The following ROBO2 variants were observed in gnomAD, a reference collection of about 807,000 sequenced individuals.
ROBO2 encodes roundabout homolog 2.
Under a neutral mutation model 160.8 loss-of-function variants are expected in ROBO2, and 53 were observed. The observed-to-expected ratio is 0.33, with a 90% confidence interval of 0.26 to 0.41. The LOEUF is 0.41. ROBO2 is among the 10% of genes least tolerant of loss of function. ROBO2 has a pLI of 1.00. For missense variants in ROBO2, 1,577 were observed against 1,722.4 expected, an observed-to-expected ratio of 0.92 and a Z score of 1.49; for synonymous variants, 664 against 611.7, an observed-to-expected ratio of 1.09 and a Z score of -1.26.
intron 19 of ROBO2, among the ~76,000 whole-genome samples, chr3:77,598,487 G>A (rs1262317570): frequency 1.5e-4 from 20 of 136,942 alleles, no homozygotes; most frequent in African/African-American, 3.5e-4. Context: ...TATATAGTGT[G>A]TATATATATA....
At chr3:77,304,196 G>T (rs1436533216) in intron 2 of ROBO2, among the ~76,000 whole-genome samples, 1 of 152,166 alleles carries the variant, frequency 6.6e-6, no homozygotes, top group East Asian at 1.9e-4. Flanking sequence ...TTAGCAATTG[G>T]AGCAGAGTAA....
At chr3:75,951,371 C>T (rs964687192) in intron 2 of ROBO2, among the ~76,000 whole-genome samples, 1 of 152,022 alleles carries the variant, frequency 6.6e-6, no homozygotes, top group East Asian at 1.9e-4. Context: ...GTCTCTGTCT[C>T]TCCTTCATCT....
chr3:76,408,855 G>C (rs942411124), intron 2 of ROBO2, among the ~76,000 whole-genome samples: 29 of 151,932 alleles, frequency 1.9e-4, no homozygotes, highest in African/African-American at 6.8e-4. Flanking sequence ...GTAAAATTTT[G>C]CTAATTTGCT....
At chr3:76,657,747 T>C (rs1269895874) in intron 2 of ROBO2, among the ~76,000 whole-genome samples, 1 of 140,312 alleles carries the variant, frequency 7.1e-6, no homozygotes, top group Non-Finnish European at 1.5e-5. Flanking sequence ...TATATATTCA[T>C]ATATATGTAT....
rs138555481 is a variant in ROBO2 at position 76,294,551 on chromosome 3, C to T, written c.109+356949C>T. The stretch of plus-strand genomic sequence containing the variant: ...CATTCCCTTTGATGCCTTTCTGTGA[C>T]GTTTGTGCTTTTCTTTTGTATCCTA... On this transcript the variant is annotated intron_variant, in intron 2 of 26. Coordinates refer to the ROBO2 transcript ENST00000487694. 1.9e-4 allele frequency among the ~76,000 whole-genome samples: 29 copies of T among 152,242 alleles called. No individual in the cohort carries two copies. The East Asian group carries it at 4.8e-3, about 25-fold the overall frequency.
In ROBO2 at chr3:76,314,756, CAT is replaced by C. The variant is rs553760402; in HGVS notation, c.109+377155_109+377156del. 1.7e-3 allele frequency among the ~76,000 whole-genome samples: 251 copies of C among 152,102 alleles called. 2 individuals are homozygous for C. The highest frequency in any genetic ancestry group is 5.6e-3 in the African/African-American group (231 of 41,482). On this transcript the variant is annotated intron_variant, in intron 2 of 26. Transcript: ENST00000487694. ...TATATAATACATATAACATATAAAA[CAT>C]GTGTTAATCAACAGTTTATGTTACT...
chr3:76,329,353 G>A (rs1410861286), intron 2 of ROBO2, among the ~76,000 whole-genome samples: 12 of 152,178 alleles, frequency 7.9e-5, no homozygotes, highest in Non-Finnish European at 1.3e-4. Context: ...GAGTAGCTGG[G>A]ATTGCAGGTG....
At chr3:77,446,363 T>G (rs562176560) in intron 2 of ROBO2, among the ~76,000 whole-genome samples, 1 of 152,196 alleles carries the variant, frequency 6.6e-6, no homozygotes, top group South Asian at 2.1e-4. Flanking sequence ...TTTCATAATT[T>G]GAAACCAATA....
chr3:75,908,090 T>A (rs145627387), intron 1 of ROBO2, among the ~76,000 whole-genome samples: 131 of 152,274 alleles, frequency 8.6e-4, no homozygotes, highest in African/African-American at 2.9e-3. Flanking sequence ...TCGGTGGGCA[T>A]ACAGTTAGTC....
chr3:77,341,479 G>T (rs1050076247), intron 2 of ROBO2, among the ~76,000 whole-genome samples: 1 of 152,062 alleles, frequency 6.6e-6, no homozygotes. Flanking sequence ...GTATTTTACT[G>T]CCAGCAAGTC....
At position 76,802,369 on chromosome 3, in the gene ROBO2, A is replaced by G. The variant is rs193192830; in HGVS notation, c.110-295645A>G. Among the ~76,000 whole-genome samples, 112 of 152,286 alleles carry G rather than the reference A, an allele frequency of 7.4e-4. 1 individual carries two copies. The highest frequency in any genetic ancestry group is 2.5e-3 in the African/African-American group (103 of 41,540). ...AAATCTATTAGTTTACCATGAATTTACCATTCATAGTACCTGGCCTTCCAG... is the reference window on the plus strand; with the variant it reads ...AAATCTATTAGTTTACCATGAATTTGCCATTCATAGTACCTGGCCTTCCAG... On this transcript the variant is annotated intron_variant, in intron 2 of 26. Coordinates refer to the ROBO2 transcript ENST00000487694.
At chr3:77,404,768 C>T (rs1485559908) in intron 2 of ROBO2, among the ~76,000 whole-genome samples, 1 of 152,028 alleles carries the variant, frequency 6.6e-6, no homozygotes, top group East Asian at 1.9e-4. Flanking sequence ...TTGTTATAAG[C>T]TTTTTAAAAA....
At chr3:76,144,690 C>G (rs1046021674) in intron 2 of ROBO2, among the ~76,000 whole-genome samples, 7 of 152,070 alleles carry the variant, frequency 4.6e-5, no homozygotes. Flanking sequence ...CACAGTTCAG[C>G]TACCCCAAAC....
At chr3:76,043,959 G>A (rs2067367034) in intron 2 of ROBO2, among the ~76,000 whole-genome samples, 1 of 151,926 alleles carries the variant, frequency 6.6e-6, no homozygotes, top group Non-Finnish European at 1.5e-5. Context: ...ACATCACGAT[G>A]TTGAGTGGTG....
intron 2 of ROBO2, among the ~76,000 whole-genome samples, chr3:76,403,801 G>A (rs1330361181): frequency 6.6e-6 from 1 of 151,550 alleles, no homozygotes; most frequent in Non-Finnish European, 1.5e-5. Flanking sequence ...CTTATTTTAG[G>A]TATTAAGTAA....
intron 2 of ROBO2, among the ~76,000 whole-genome samples, chr3:77,384,393 G>T (rs527293314): frequency 2.0e-5 from 3 of 152,074 alleles, no homozygotes; most frequent in Non-Finnish European, 4.4e-5. Context: ...TGTGAAGTTT[G>T]AACAAATGTT....
At chr3:76,714,560 G>T (rs1369635409) in intron 2 of ROBO2, among the ~76,000 whole-genome samples, 4 of 152,108 alleles carry the variant, frequency 2.6e-5, no homozygotes, top group Non-Finnish European at 4.4e-5. Flanking sequence ...ATCCAGCTAT[G>T]CTTCCCTTTC....
intron 2 of ROBO2, among the ~76,000 whole-genome samples, chr3:77,367,435 A>C (rs1189704583): frequency 6.6e-6 from 1 of 151,880 alleles, no homozygotes; most frequent in Non-Finnish European, 1.5e-5. Flanking sequence ...TCTAGTACAC[A>C]CGCTGAGAAT....
intron 2 of ROBO2, among the ~76,000 whole-genome samples, chr3:76,229,607 A>G (rs1014788641): frequency 1.4e-4 from 22 of 152,170 alleles, no homozygotes; most frequent in African/African-American, 5.1e-4. Flanking sequence ...ATAATGATGT[A>G]TCTCATATAA....
Sources: allele counts gnomAD v4.1 joint callset (sites outside exome capture counted in the v4.1 genomes callset), GRCh38; gene constraint gnomAD v4.1.1; transcripts MANE v1.5; gene names NCBI Gene and HGNC (gene_info 2026-07-23, HGNC 2026-07-21).